FBN2: variants seen among roughly 807,000 people sequenced by gnomAD.
FBN2 encodes fibrillin 2.
Under a neutral mutation model 355.6 loss-of-function variants are expected in FBN2, and 105 were observed. The observed-to-expected ratio is 0.30, with a 90% CI of 0.25 to 0.35. The LOEUF (loss-of-function observed/expected upper bound fraction) is 0.35, where lower values mean the gene tolerates loss of function less well. FBN2 is among the 10% of genes least tolerant of loss of function. The probability of loss-of-function intolerance (pLI) is 1.00; values close to 1 mark genes in which losing one functional copy is unlikely to be tolerated. For missense variants in FBN2, 3,280 were observed against 3,758.7 expected (o/e 0.87, Z 3.33); for synonymous variants, 1,350 against 1,301.2 (o/e 1.04, Z -0.81).
At chr5:128,327,044 T>C (rs538200798) in intron 34 of FBN2, among the ~76,000 whole-genome samples, 1 of 152,362 alleles carries the variant, frequency 6.6e-6, no homozygotes, top group Non-Finnish European at 1.5e-5. Context: ...CAAGCTAATG[T>C]AGATAATAAA....
chr5:128,413,460 A>C lies in FBN2; in HGVS notation c.953-4661T>G, dbSNP rs571553738. 1.6e-4 allele frequency among the ~76,000 whole-genome samples: 24 copies of C among 152,244 alleles called. No homozygotes were observed. The South Asian group carries it at 4.2e-3, about 26-fold the overall frequency. ...CTTCAAAGGGCAAAAAAAGAGAAAG[A>C]CTGGGAAGTCTTCAGTAATGTGAAG... On this transcript the variant is annotated intron_variant, in intron 7 of 64. Transcript: ENST00000262464.
At chr5:128,489,119 A>G (rs911235079) in intron 5 of FBN2, among the ~76,000 whole-genome samples, 11 of 113,814 alleles carry the variant, frequency 9.7e-5, no homozygotes, top group African/African-American at 5.3e-4. Flanking sequence ...TCCCACCAAC[A>G]GTGTAAAAGT....
chr5:128,270,092 G>A (rs533687439), intron 62 of FBN2, among the ~76,000 whole-genome samples: 1 of 152,252 alleles, frequency 6.6e-6, no homozygotes, highest in East Asian at 1.9e-4. Flanking sequence ...CAAGCAATGG[G>A]GAAAGGATCT....
At chr5:128,473,593 C>T (rs1466922537) in intron 5 of FBN2, among the ~76,000 whole-genome samples, 1 of 152,166 alleles carries the variant, frequency 6.6e-6, no homozygotes, top group Non-Finnish European at 1.5e-5. Context: ...ACACTATGTT[C>T]CTTCACCCCA....
chr5:128,277,578 T>C (rs1357815646), intron 58 of FBN2, among the ~76,000 whole-genome samples: 3 of 152,216 alleles, frequency 2.0e-5, no homozygotes, highest in Non-Finnish European at 4.4e-5. Flanking sequence ...TTGTGATTTT[T>C]GTTTCTCAGG....
chr5:128,519,212 T>A (rs1756364510), intron 5 of FBN2, 61 bp downstream of exon 5: 2 of 1,180,460 alleles, frequency 1.7e-6, no homozygotes, highest in African/African-American at 3.0e-5. Flanking sequence ...TAGCAAAAAA[T>A]TATACATTTT....
chr5:128,403,763 G>C (rs2126993463), intron 8 of FBN2, among the ~76,000 whole-genome samples: 1 of 151,552 alleles, frequency 6.6e-6, no homozygotes, highest in East Asian at 1.9e-4. Flanking sequence ...TTCTTTCCTG[G>C]ATATATAAAA....
chr5:128,432,155 T>C (rs1264493662), intron 7 of FBN2, among the ~76,000 whole-genome samples: 1 of 152,178 alleles, frequency 6.6e-6, no homozygotes, highest in East Asian at 1.9e-4. Flanking sequence ...ATTTTAAAAA[T>C]TTAATATGAA....
intron 8 of FBN2, 45 bp downstream of exon 8, chr5:128,408,629 A>G (rs1752990531): frequency 6.2e-7 from 1 of 1,612,774 alleles, no homozygotes; most frequent in Non-Finnish European, 8.5e-7. Flanking sequence ...CTGTTTTGTC[A>G]TTATAAAGAC....
intron 7 of FBN2, among the ~76,000 whole-genome samples, chr5:128,434,074 C>T (rs1008691150): frequency 3.9e-5 from 6 of 151,940 alleles, no homozygotes; most frequent in South Asian, 4.1e-4. Flanking sequence ...CCTAACCTTG[C>T]GACCAATACA....
intron 48 of FBN2, among the ~76,000 whole-genome samples, chr5:128,293,689 T>C (rs984611499): frequency 2.6e-5 from 4 of 152,156 alleles, no homozygotes; most frequent in African/African-American, 9.7e-5. Context: ...GAGGCATATG[T>C]ATTTCTATTT....
In FBN2 at chr5:128,261,818, G is replaced by A. The variant is rs201962592; in HGVS notation, c.8282C>T (p.Ala2761Val). The change falls in exon 64 of 65, where the codon GCA (alanine) becomes GTA (valine). Residue 2761 changes from alanine to valine, a missense_variant. Physicochemically the swap from Ala to Val is moderately conservative, Grantham distance 64. Transcript: ENST00000262464. ...GCCGTTGATTTTGCACTCGTAGCAT[G>A]CTTCTGGGGACAGAGCATTTTCCTC... ...VDEENALSPEACYECKINGYS... is the reference protein window; with the variant it reads ...VDEENALSPEVCYECKINGYS... 2.2e-4 allele frequency: 349 copies of A among 1,614,010 alleles called. No individual in the cohort carries two copies. The highest frequency in any genetic ancestry group is 1.2e-3 in the Middle Eastern group (7 of 6,084).
At position 128,305,054 on chromosome 5, in the gene FBN2, G is replaced by T; in HGVS notation, c.5703C>A (p.Asn1901Lys). ...VDRNECLEIP[N>K]VCSHGLCVDL... The stretch of plus-strand genomic sequence containing the variant: ...CAACACACAAGCCATGACTGCAAAC[G>T]TTAGGAATTTCTAAACATTCATTGC... Residue 1901 changes from asparagine to lysine, a missense_variant, in exon 45 of 65, where the codon AAC (asparagine) becomes AAA (lysine). Asn to Lys is a moderately conservative substitution (Grantham distance 94). Transcript: ENST00000262464. The T allele has an allele frequency of 1.9e-6, 3 of 1,612,390 alleles. No homozygotes were observed. Among genetic ancestry groups the T allele is most frequent in the Non-Finnish European group, 2.5e-6 (3 of 1,178,786 alleles).
chr5:128,477,217 A>T (rs1755026558), intron 5 of FBN2, among the ~76,000 whole-genome samples: 1 of 152,244 alleles, frequency 6.6e-6, no homozygotes, highest in Non-Finnish European at 1.5e-5. Context: ...CTCAAGGGCC[A>T]CATGTGCTTA....
At chr5:128,450,536 A>G (rs767142826) in intron 6 of FBN2, among the ~76,000 whole-genome samples, 6 of 152,154 alleles carry the variant, frequency 3.9e-5, no homozygotes, top group African/African-American at 7.2e-5. Flanking sequence ...ATGCAGCTAA[A>G]GTGGTGCTTA....
intron 4 of FBN2, among the ~76,000 whole-genome samples, chr5:128,526,189 A>G (rs1341465659): frequency 2.0e-5 from 3 of 152,164 alleles, no homozygotes; most frequent in Admixed American, 1.3e-4. Flanking sequence ...AACAACCACA[A>G]TAAGTACAAC....
At chr5:128,489,030 T>G (rs1265575302) in intron 5 of FBN2, among the ~76,000 whole-genome samples, 1 of 152,114 alleles carries the variant, frequency 6.6e-6, no homozygotes, top group African/African-American at 2.4e-5. Context: ...ATGGGATGGC[T>G]GGGTCAAATG....
rs536248333 is a variant in FBN2 at position 128,281,825 on chromosome 5, A to G, written c.7013-1508T>C. Among the ~76,000 whole-genome samples the G allele has an allele frequency of 3.3e-5, 5 of 152,190 alleles. No homozygotes were observed. The East Asian group carries it at 9.7e-4, about 29-fold the overall frequency. ...CTCAGCCTCCTGAGTAGCTGGGACT[A>G]CAGGCGCCCGCCACCACGCCCAGCT... On this transcript the variant is annotated intron_variant, in intron 55 of 64. Coordinates refer to ENST00000262464, the MANE Select transcript of FBN2 (RefSeq NM_001999.4).
intron 2 of FBN2, among the ~76,000 whole-genome samples, chr5:128,534,750 T>C (rs142308431): frequency 2.1e-3 from 321 of 152,352 alleles, no homozygotes; most frequent in Non-Finnish European, 3.6e-3. Flanking sequence ...GCAAATATTC[T>C]GGAAGGCTCT....
Sources: gnomAD v4.1 joint callset for allele counts (sites outside exome capture counted in the v4.1 genomes callset) on GRCh38, gnomAD v4.1.1 for gene constraint, MANE v1.5 for transcripts, NCBI Gene and HGNC (gene_info 2026-07-23, HGNC 2026-07-21) for gene names.